Variants in NAB1 observed in about 807,000 individuals in gnomAD.
NAB1 encodes NGFI-A binding protein 1, also known as NGFI-A-binding protein 1.
In NAB1, 25 loss-of-function variants were observed where a neutral mutation model predicts 49.9. That is an observed-to-expected ratio of 0.50 (90% confidence interval 0.37 to 0.70). The LOEUF (loss-of-function observed/expected upper bound fraction) is 0.70. Among genes scored for constraint, NAB1 ranks in the 30% least tolerant of loss-of-function variants. The probability of loss-of-function intolerance (pLI) is 0.00; values close to 1 mark genes in which losing one functional copy is unlikely to be tolerated. For missense variants in NAB1, 489 were observed against 575.9 expected (o/e 0.85, Z 1.54); for synonymous variants, 198 against 215.6 (o/e 0.92, Z 0.71).
At chr2:190,681,433 CTTAT>C (rs1188157379) in intron 6 of NAB1, among the ~76,000 whole-genome samples, 4 of 123,904 alleles carry the variant, frequency 3.2e-5, no homozygotes, top group African/African-American at 1.2e-4. Flanking sequence ...AAATAGAAAA[CTTAT>C]TTATAAGAAA....
Position 190,659,899 on chromosome 2 carries a change from T to C in NAB1, c.723T>C (p.Asp241=), listed in dbSNP as rs1694132307. ...MIGHIFEMND[D]DPHKEEEIRK... ...GTCACATCTTTGAGATGAACGATGA[T>C]GATCCACACAAAGAGGAGGAAATTC... Residue 241 remains aspartate, a synonymous_variant, in exon 4 of 10, where the codon GAT becomes GAC. Coordinates refer to ENST00000337386, the MANE Select transcript of NAB1 (RefSeq NM_005966.4). The surrounding 1 kb of genome is among the most constrained non-coding windows in gnomAD (Gnocchi z 6.2). 6.2e-7 allele frequency: 1 copy of C among 1,613,908 alleles called. No individual in the cohort carries two copies. The highest frequency in any genetic ancestry group is 8.5e-7 in the Non-Finnish European group (1 of 1,180,004).
rs1358240073 is a variant in NAB1 at position 190,675,600 on chromosome 2, T to C, written c.1005+2448T>C. Among the ~76,000 whole-genome samples the C allele has an allele frequency of 2.0e-5, 3 of 152,220 alleles. No homozygotes were observed. The highest frequency in any genetic ancestry group is 4.4e-5 in the Non-Finnish European group (3 of 68,046). On this transcript the variant is annotated intron_variant, in intron 6 of 9. Transcript: ENST00000337386. The surrounding 1 kb of genome is among the most constrained non-coding windows in gnomAD (Gnocchi z 5.2). ...AACAGCTCTGGATTCAAAATTAAGATAATCAGTGTTACTTTTCCCTGTGAA... is the reference window on the plus strand; with the variant it reads ...AACAGCTCTGGATTCAAAATTAAGACAATCAGTGTTACTTTTCCCTGTGAA...
Position 190,678,172 on chromosome 2 carries a change from C to G in NAB1, c.1005+5020C>G, listed in dbSNP as rs1695165089. ...AAAAATTAGTTTGATTTCCTTATGT[C>G]CTACCTATGAAAGAACATATTTAAG... On this transcript the variant is annotated intron_variant, in intron 6 of 9. Coordinates refer to ENST00000337386, the MANE Select transcript of NAB1 (RefSeq NM_005966.4). This position sits in a 1 kb window ranked among gnomAD's most constrained non-coding sequence, Gnocchi z 4.9. Among the ~76,000 whole-genome samples the G allele has an allele frequency of 6.6e-6, 1 of 152,104 alleles. No homozygotes were observed. The highest frequency in any genetic ancestry group is 1.5e-5 in the Non-Finnish European group (1 of 68,012).
rs900114182 is a variant in NAB1 at position 190,667,020 on chromosome 2, G to T, written c.820-3306G>T. ...GCATGAAATCTAGGTAACTCTGACAGAACACGTGTTTTTAAGGGAGAGGCT... is the reference window on the plus strand; with the variant it reads ...GCATGAAATCTAGGTAACTCTGACATAACACGTGTTTTTAAGGGAGAGGCT... On this transcript the variant is annotated intron_variant, in intron 4 of 9. Coordinates refer to ENST00000337386, the MANE Select transcript of NAB1 (RefSeq NM_005966.4). The surrounding 1 kb of genome is among the most constrained non-coding windows in gnomAD (Gnocchi z 4.4). Among the ~76,000 whole-genome samples, 1 of 152,154 alleles carries T rather than the reference G, an allele frequency of 6.6e-6. No individual in the cohort carries two copies. The highest frequency in any genetic ancestry group is 1.5e-5 in the Non-Finnish European group (1 of 68,028).
chr2:190,670,771 T>C lies in NAB1; in HGVS notation c.953+312T>C, dbSNP rs148540442. Among the ~76,000 whole-genome samples, 104 of 152,328 alleles carry C rather than the reference T, an allele frequency of 6.8e-4. No homozygotes were observed. The highest frequency in any genetic ancestry group is 2.4e-3 in the African/African-American group (98 of 41,570). The stretch of plus-strand genomic sequence containing the variant: ...CGAGGGGATTTAGTCAGACAGCATT[T>C]ATAGACGTATTTGTACACCCGCTAA... On this transcript the variant is annotated intron_variant, in intron 5 of 9. Coordinates refer to ENST00000337386, the MANE Select transcript of NAB1 (RefSeq NM_005966.4). This position sits in a 1 kb window ranked among gnomAD's most constrained non-coding sequence, Gnocchi z 5.3.
intron 2 of NAB1, among the ~76,000 whole-genome samples, chr2:190,650,748 C>T (rs950580504): frequency 6.6e-6 from 1 of 152,158 alleles, no homozygotes; most frequent in African/African-American, 2.4e-5. Flanking sequence ...GCTTTTTCTT[C>T]TCCATATTGG....
In NAB1 at chr2:190,690,304, A is replaced by G. The variant is rs1404275911; in HGVS notation, c.1435A>G (p.Ile479Val). ...HSAFTLEKKVIKTEPEDSR is the reference protein window; with the variant it reads ...HSAFTLEKKVVKTEPEDSR The stretch of plus-strand genomic sequence containing the variant: ...AGCTTTTACCTTAGAAAAGAAAGTC[A>G]TCAAAACAGAGCCTGAAGATTCAAG... Residue 479 changes from isoleucine to valine, a missense_variant, in exon 10 of 10, where the codon ATC becomes GTC. Physicochemically the swap from Ile to Val is conservative, Grantham distance 29. Coordinates refer to ENST00000337386, the MANE Select transcript of NAB1 (RefSeq NM_005966.4). The G allele has an allele frequency of 6.2e-7, 1 of 1,612,610 alleles. No individual in the cohort carries two copies. Among genetic ancestry groups the G allele is most frequent in the African/African-American group, 1.3e-5 (1 of 75,014 alleles).
intron 6 of NAB1, among the ~76,000 whole-genome samples, chr2:190,683,346 A>G (rs924714612): frequency 1.6e-5 from 2 of 124,570 alleles, no homozygotes; most frequent in Non-Finnish European, 3.2e-5. Flanking sequence ...GGGCTTTACC[A>G]TATTGGACAG....
rs1342421339 is a variant in NAB1, at chr2:190,678,006, T to A, written c.1005+4854T>A. ...TTATTTTCTAATCCAAGAAATGTTA[T>A]GTAGTAAACAGTTACAAGTTTTGAG... is the stretch of plus-strand genomic sequence containing the variant. On this transcript the variant is annotated intron_variant, in intron 6 of 9. Transcript: ENST00000337386. The surrounding 1 kb of genome is among the most constrained non-coding windows in gnomAD (Gnocchi z 4.9). 6.6e-6 allele frequency among the ~76,000 whole-genome samples: 1 copy of A among 152,360 alleles called. No homozygotes were observed.
At chr2:190,661,660 G>C (rs893052369) in intron 4 of NAB1, among the ~76,000 whole-genome samples, 1 of 152,122 alleles carries the variant, frequency 6.6e-6, no homozygotes, top group African/African-American at 2.4e-5. Context: ...CTTTAGATAA[G>C]TAGGTACATA....
rs755621868 is a variant in NAB1, at chr2:190,690,346, T to C, written c.*13T>C. The C allele has an allele frequency of 6.4e-7, 1 of 1,574,334 alleles. No homozygotes were observed. The highest frequency in any genetic ancestry group is 8.7e-7 in the Non-Finnish European group (1 of 1,145,376). On this transcript the variant is annotated 3_prime_UTR_variant, in exon 10 of 10. Transcript: ENST00000337386. ...AGATTCAAGATAGCTGTGATTTCTC[T>C]CACCGTTCTCTGGAAATGGCATCAG...
At position 190,670,234 on chromosome 2, in the gene NAB1, T is replaced by G; in HGVS notation, c.820-92T>G. ...TATGAATAATGATTCCATTATATAATGGTGTAACATTCTTATATTTTAAGT... is the reference window on the plus strand; with the variant it reads ...TATGAATAATGATTCCATTATATAAGGGTGTAACATTCTTATATTTTAAGT... On this transcript the variant is annotated intron_variant, in intron 4 of 9. Transcript: ENST00000337386. The surrounding 1 kb of genome is among the most constrained non-coding windows in gnomAD (Gnocchi z 5.3). 1.7e-6 allele frequency: 2 copies of G among 1,143,994 alleles called. No homozygotes were observed. The highest frequency in any genetic ancestry group is 2.5e-6 in the Non-Finnish European group (2 of 806,682). The allele number at this position is 1,143,994 out of a possible 1,614,324, so 70.9% of individuals were successfully genotyped here.
At chr2:190,660,140 C>CT (rs1383703575) in intron 4 of NAB1, 145 bp downstream of exon 4, 192 of 692,454 alleles carry the variant, frequency 2.8e-4, no homozygotes, top group Non-Finnish European at 6.5e-5. Context: ...ACATGTAGCA[C>CT]TTTTGTGAAA....
rs1003270011 is a variant in NAB1, at chr2:190,682,699, T to C, written c.1006-1039T>C. ...TATAGCAACAGTTGAAATCACAAAA[T>C]AAAAGTATGTACAACTATAGCATAT... On this transcript the variant is annotated intron_variant, in intron 6 of 9. Coordinates refer to ENST00000337386, the MANE Select transcript of NAB1 (RefSeq NM_005966.4). This position sits in a 1 kb window ranked among gnomAD's most constrained non-coding sequence, Gnocchi z 4.1. 6.6e-6 allele frequency among the ~76,000 whole-genome samples: 1 copy of C among 152,104 alleles called. No homozygotes were observed. Among genetic ancestry groups the C allele is most frequent in the African/African-American group, 2.4e-5 (1 of 41,410 alleles).
rs779413639 is a variant in NAB1 at position 190,674,094 on chromosome 2, C to G, written c.1005+942C>G. ...TATGGCAGTAATCCTTTATTCATAT[C>G]AAAGCCAGAGTTATCTTATAAAAAC... On this transcript the variant is annotated intron_variant, in intron 6 of 9. Transcript: ENST00000337386. This position sits in a 1 kb window ranked among gnomAD's most constrained non-coding sequence, Gnocchi z 5.7. Among the ~76,000 whole-genome samples, 4 of 152,190 alleles carry G rather than the reference C, an allele frequency of 2.6e-5. No individual in the cohort carries two copies. The highest frequency in any genetic ancestry group is 4.4e-5 in the Non-Finnish European group (3 of 68,036).
rs1694558230 is a variant in NAB1, at chr2:190,667,015, T to C, written c.820-3311T>C. On this transcript the variant is annotated intron_variant, in intron 4 of 9. Transcript: ENST00000337386. The surrounding 1 kb of genome is among the most constrained non-coding windows in gnomAD (Gnocchi z 4.4). ...AGGGAGCATGAAATCTAGGTAACTC[T>C]GACAGAACACGTGTTTTTAAGGGAG... 6.6e-6 allele frequency among the ~76,000 whole-genome samples: 1 copy of C among 152,204 alleles called. No individual in the cohort carries two copies. Among genetic ancestry groups the C allele is most frequent in the South Asian group, 2.1e-4 (1 of 4,826 alleles).
At chr2:190,668,608 T>C in intron 4 of NAB1, among the ~76,000 whole-genome samples, 1 of 152,330 alleles carries the variant, frequency 6.6e-6, no homozygotes, top group Middle Eastern at 3.4e-3. Flanking sequence ...TATGTACATA[T>C]ATACTTAATG....
At position 190,692,367 on chromosome 2, in the gene NAB1, A is replaced by G. The variant is rs905846707; in HGVS notation, c.*2034A>G. 1 of 152,738 alleles carries G rather than the reference A, an allele frequency of 6.5e-6. No individual in the cohort carries two copies. Among genetic ancestry groups the G allele is most frequent in the African/African-American group, 2.4e-5 (1 of 41,568 alleles). The allele number at this position is 152,738 out of a possible 1,614,324, so 9.5% of individuals were successfully genotyped here. ...CACAGATTGCATCTTTAAATTCATAATAAGTTTCCTTAACTATCTTATGTT... is the reference window on the plus strand; with the variant it reads ...CACAGATTGCATCTTTAAATTCATAGTAAGTTTCCTTAACTATCTTATGTT... On this transcript the variant is annotated 3_prime_UTR_variant, in exon 10 of 10. Transcript: ENST00000337386. This position sits in a 1 kb window ranked among gnomAD's most constrained non-coding sequence, Gnocchi z 5.2.
intron 4 of NAB1, among the ~76,000 whole-genome samples, chr2:190,660,975 C>T (rs989918488): frequency 3.3e-5 from 5 of 149,984 alleles, no homozygotes; most frequent in Non-Finnish European, 7.4e-5. Context: ...GGGGGTCTCA[C>T]TCTGTCACGC....
Sources: gnomAD v4.1 joint callset for allele counts (sites outside exome capture counted in the v4.1 genomes callset) on GRCh38, gnomAD v4.1.1 for gene constraint, Gnocchi (gnomAD v3.1) non-coding constraint, MANE v1.5 for transcripts, NCBI Gene and HGNC (gene_info 2026-07-23, HGNC 2026-07-21) for gene names.